MRPS27: variants seen among roughly 807,000 people sequenced by gnomAD.
MRPS27 encodes small ribosomal subunit protein mS27.
In MRPS27, 43 loss-of-function variants were observed where a neutral mutation model predicts 48.9. That is an observed-to-expected ratio of 0.88 (90% CI 0.69 to 1.13). MRPS27 has a LOEUF of 1.13. Ranked by LOEUF, MRPS27 falls within the 50% of genes most tolerant of loss-of-function variation. The pLI is 0.00. For synonymous variants in MRPS27, 188 were observed against 171.9 expected (o/e 1.09, Z -0.73); for missense variants, 467 against 476.3 (o/e 0.98, Z 0.18).
intron 4 of MRPS27, among the ~76,000 whole-genome samples, chr5:72,285,240 C>G (rs1749641929): frequency 6.6e-6 from 1 of 152,176 alleles, no homozygotes; most frequent in Admixed American, 6.5e-5. Context: ...CTCCTTCTAA[C>G]TCCAGCTGTA....
At chr5:72,240,658 T>C (rs868167929) in intron 4 of MRPS27, among the ~76,000 whole-genome samples, 3 of 152,306 alleles carry the variant, frequency 2.0e-5, no homozygotes, top group Middle Eastern at 6.8e-3. Context: ...TTTTAGGCTT[T>C]GAAAAAATAA....
At chr5:72,306,972 C>G (rs1750286190) in intron 2 of MRPS27, among the ~76,000 whole-genome samples, 1 of 151,974 alleles carries the variant, frequency 6.6e-6, no homozygotes, top group African/African-American at 2.4e-5. Flanking sequence ...AAAGAGTTAA[C>G]GGGGGCACAT....
chr5:72,296,488 A>T (rs560637144), intron 3 of MRPS27, among the ~76,000 whole-genome samples: 70 of 152,334 alleles, frequency 4.6e-4, no homozygotes, highest in Admixed American at 4.3e-3. Flanking sequence ...CCATCTGCAT[A>T]AATAGGATAA....
At chr5:72,301,943 A>C (rs890008855) in intron 2 of MRPS27, among the ~76,000 whole-genome samples, 1 of 152,184 alleles carries the variant, frequency 6.6e-6, no homozygotes, top group Admixed American at 6.5e-5. Context: ...CTCATGTTTC[A>C]GTGAGGGGCC....
chr5:72,221,301 G>A (rs1223546663), intron 10 of MRPS27, among the ~76,000 whole-genome samples, 153 bp from the exon 11 acceptor site: 1 of 152,188 alleles, frequency 6.6e-6, no homozygotes, highest in Non-Finnish European at 1.5e-5. Flanking sequence ...CCAGAATGAA[G>A]TCACCTGCAA....
chr5:72,300,060 A>G (rs577912540), intron 2 of MRPS27, among the ~76,000 whole-genome samples: 6 of 152,322 alleles, frequency 3.9e-5, no homozygotes, highest in South Asian at 2.1e-4. Flanking sequence ...GACTGCTAAA[A>G]AGAGTCATCT....
chr5:72,228,520 G>A, intron 7 of MRPS27, 152 bp from the exon 8 acceptor site: 1 of 477,500 alleles, frequency 2.1e-6, no homozygotes, highest in Non-Finnish European at 3.6e-6. Flanking sequence ...CCTAATTTTG[G>A]GATTAAAAGG....
intron 4 of MRPS27, among the ~76,000 whole-genome samples, chr5:72,280,416 A>C (rs965697428): frequency 1.2e-4 from 19 of 152,178 alleles, no homozygotes; most frequent in African/African-American, 4.6e-4. Context: ...ATTTTTTTTA[A>C]AAAAAGAATA....
At chr5:72,234,892 A>C (rs1239574412) in intron 5 of MRPS27, among the ~76,000 whole-genome samples, 2 of 152,082 alleles carry the variant, frequency 1.3e-5, no homozygotes, top group African/African-American at 4.8e-5. Context: ...TTTACTACCA[A>C]TGATCCTGAT....
intron 2 of MRPS27, chr5:72,307,960 C>G (rs1750320481): frequency 6.6e-6 from 1 of 152,388 alleles, no homozygotes; most frequent in Non-Finnish European, 1.5e-5. Context: ...ACTGAGAAAG[C>G]TTTTTGGGCG....
chr5:72,298,267 A>G (rs1750031866), intron 2 of MRPS27, among the ~76,000 whole-genome samples: 1 of 152,228 alleles, frequency 6.6e-6, no homozygotes, highest in Admixed American at 6.5e-5. Context: ...GTCAACCAAC[A>G]TAGGAAAAAA....
intron 4 of MRPS27, among the ~76,000 whole-genome samples, chr5:72,269,203 G>A (rs977009540): frequency 1.3e-5 from 2 of 152,192 alleles, no homozygotes; most frequent in Non-Finnish European, 2.9e-5. Context: ...GTGTACTAAG[G>A]TACAAGGCTG....
At chr5:72,305,207 A>G (rs1263225675) in intron 2 of MRPS27, among the ~76,000 whole-genome samples, 1 of 152,232 alleles carries the variant, frequency 6.6e-6, no homozygotes, top group African/African-American at 2.4e-5. Flanking sequence ...AATGAGACTA[A>G]AGAACGGTGA....
intron 4 of MRPS27, among the ~76,000 whole-genome samples, chr5:72,291,698 T>C (rs1448713060): frequency 6.6e-6 from 1 of 152,260 alleles, no homozygotes; most frequent in Non-Finnish European, 1.5e-5. Context: ...TTTATTCTTA[T>C]GCAAGTTCAC....
chr5:72,225,948 T>C (rs888653812), intron 9 of MRPS27, 109 bp downstream of exon 9: 11 of 1,298,356 alleles, frequency 8.5e-6, no homozygotes, highest in South Asian at 1.7e-5. Context: ...ACCTATTCTA[T>C]AGACATATAG....
chr5:72,276,188 A>G (rs962152584), intron 4 of MRPS27, among the ~76,000 whole-genome samples: 8 of 152,190 alleles, frequency 5.3e-5, no homozygotes, highest in African/African-American at 1.9e-4. Context: ...CAATAACCCA[A>G]ACAGCATAGT....
At chr5:72,249,641 C>T (rs528128718) in intron 4 of MRPS27, among the ~76,000 whole-genome samples, 21 of 151,364 alleles carry the variant, frequency 1.4e-4, no homozygotes, top group African/African-American at 4.6e-4. Flanking sequence ...GCCAAGATGG[C>T]GCCACTGCAC....
chr5:72,281,498 C>T (rs1227573554), intron 4 of MRPS27, among the ~76,000 whole-genome samples: 1 of 152,082 alleles, frequency 6.6e-6, no homozygotes, highest in African/African-American at 2.4e-5. Context: ...ATAGGTAAAA[C>T]AAAATTTTAT....
intron 5 of MRPS27, among the ~76,000 whole-genome samples, chr5:72,237,758 C>T (rs1748237488): frequency 6.6e-6 from 1 of 151,968 alleles, no homozygotes; most frequent in African/African-American, 2.4e-5. Context: ...AAATGACCAC[C>T]ACTGCAGAGT....
Sources: gnomAD v4.1 joint callset for allele counts (sites outside exome capture counted in the v4.1 genomes callset) on GRCh38, gnomAD v4.1.1 for gene constraint, MANE v1.5 for transcripts, NCBI Gene and HGNC (gene_info 2026-07-23, HGNC 2026-07-21) for gene names.